Variants in LPP observed in about 807,000 individuals in gnomAD.
LPP encodes the protein lipoma-preferred partner.
LPP carries 38 observed loss-of-function variants against 60.4 expected under a neutral mutation model. The ratio of observed to expected loss-of-function variants is 0.63; its 90% CI spans 0.49 to 0.83. The LOEUF is 0.83. LPP is among the 40% of genes least tolerant of loss of function. The probability of loss-of-function intolerance (pLI) is 0.00; values close to 1 mark genes in which losing one functional copy is unlikely to be tolerated. For synonymous variants in LPP, 328 were observed against 290.8 expected (o/e 1.13, Z -1.30); for missense variants, 902 against 783.6 (o/e 1.15, Z -1.80).
At chr3:188,486,824 GTATT>G (rs1247093114) in intron 5 of LPP, among the ~76,000 whole-genome samples, 2 of 152,094 alleles carry the variant, frequency 1.3e-5, no homozygotes, top group Non-Finnish European at 2.9e-5. Flanking sequence ...TATAAAGTTT[GTATT>G]TATTTTATGT....
At chr3:188,157,019 T>C (rs143225056) in intron 1 of LPP, among the ~76,000 whole-genome samples, 1 of 152,218 alleles carries the variant, frequency 6.6e-6, no homozygotes, top group African/African-American at 2.4e-5. Context: ...CACACTTTTT[T>C]CACATTTTAA....
Position 188,751,181 on chromosome 3 carries a change from CA to C in LPP, c.1241-8931del, listed in dbSNP as rs556906849. On this transcript the variant is annotated intron_variant, in intron 8 of 11. Transcript: ENST00000617246. ...AAACCCCTTTGGGTTCCCTTATTATCAGGTTTGGTCTCAAATAACCAGAATA... is the reference window on the plus strand; with the variant it reads ...AAACCCCTTTGGGTTCCCTTATTATCGGTTTGGTCTCAAATAACCAGAATA... 2.1e-3 allele frequency among the ~76,000 whole-genome samples: 318 copies of C among 152,236 alleles called. 1 individual carries two copies. The highest frequency in any genetic ancestry group is 7.1e-3 in the African/African-American group (294 of 41,532).
At chr3:188,334,422 C>CTTTTTTTTTTTTTTTTTT in intron 2 of LPP, among the ~76,000 whole-genome samples, 1 of 98,676 alleles carries the variant, frequency 1.0e-5, no homozygotes, top group Non-Finnish European at 1.9e-5. Context: ...ATATTTCTTT[C>CTTTTTTTTTTTTTTTTTT]TTTTTTTTTT....
intron 9 of LPP, among the ~76,000 whole-genome samples, chr3:188,817,767 A>C (rs1399927604): frequency 6.6e-6 from 1 of 152,206 alleles, no homozygotes; most frequent in African/African-American, 2.4e-5. Flanking sequence ...TTGTCTAAAA[A>C]CTAAAATTTC....
chr3:188,319,099 TTA>T (rs971450571), intron 2 of LPP, among the ~76,000 whole-genome samples: 33 of 152,120 alleles, frequency 2.2e-4, no homozygotes, highest in Non-Finnish European at 4.0e-4. Context: ...TCAGGTTAGT[TTA>T]TATAGTTTCA....
chr3:188,392,652 T>C (rs1172679060), intron 3 of LPP, among the ~76,000 whole-genome samples: 1 of 152,164 alleles, frequency 6.6e-6, no homozygotes, highest in Admixed American at 6.5e-5. Flanking sequence ...AATTTCTAAA[T>C]TGTCTTGACA....
At chr3:188,243,210 C>T (rs1725612111) in intron 2 of LPP, among the ~76,000 whole-genome samples, 1 of 152,124 alleles carries the variant, frequency 6.6e-6, no homozygotes, top group Admixed American at 6.5e-5. Flanking sequence ...ACTCTAGAAA[C>T]TTGATTTTTT....
chr3:188,636,431 A>C (rs964310494), intron 7 of LPP, among the ~76,000 whole-genome samples: 1 of 152,156 alleles, frequency 6.6e-6, no homozygotes, highest in African/African-American at 2.4e-5. Context: ...GCTGATTCCT[A>C]GCACAGCAGT....
In LPP at chr3:188,709,367, T is replaced by G. The variant is rs373816966; in HGVS notation, c.1240+974T>G. ...TTATTTTTATTTTATTTTATTTTAT[T>G]TATTTTTGAGACAGAGCCTTGCTCT... On this transcript the variant is annotated intron_variant, in intron 8 of 11. Transcript: ENST00000617246. The G allele has an allele frequency of 3.9e-5, 6 of 152,114 alleles. No homozygotes were observed. The East Asian group carries it at 1.2e-3, about 29-fold the overall frequency. 9.4% of individuals were successfully genotyped at this position (152,114 alleles called of 1,614,324 possible).
At chr3:188,850,621 T>C (rs1437260550) in intron 9 of LPP, among the ~76,000 whole-genome samples, 1 of 152,128 alleles carries the variant, frequency 6.6e-6, no homozygotes, top group Non-Finnish European at 1.5e-5. Flanking sequence ...GCTGTTTATA[T>C]TTTTTAAAAA....
At position 188,881,139 on chromosome 3, in the gene LPP, CAAA is replaced by C. The variant is rs11328247; in HGVS notation, c.*6677_*6679del. 1.6e-3 allele frequency: 116 copies of C among 72,566 alleles called. No individual in the cohort carries two copies. Among genetic ancestry groups the C allele is most frequent in the East Asian group, 0.016 (52 of 3,352 alleles). The allele number at this position is 72,566 out of a possible 1,614,324, so 4.5% of individuals were successfully genotyped here. ...TGGGCGAAAGAGCGAGACTCCGTCT[CAAA>C]AAAAAAAAAAAAAAAATAGGATCAT... On this transcript the variant is annotated 3_prime_UTR_variant, in exon 12 of 12. Transcript: ENST00000617246.
chr3:188,555,007 A>T (rs574428028), intron 6 of LPP, among the ~76,000 whole-genome samples: 5 of 152,132 alleles, frequency 3.3e-5, no homozygotes, highest in South Asian at 2.1e-4. Flanking sequence ...GTGGAGCCAT[A>T]GTTGCTATTC....
chr3:188,503,832 G>A (rs1812663955), intron 5 of LPP, among the ~76,000 whole-genome samples: 1 of 152,122 alleles, frequency 6.6e-6, no homozygotes, highest in African/African-American at 2.4e-5. Context: ...CCTTGTATGT[G>A]ATGAGTCACC....
At chr3:188,203,548 TA>T (rs1560107608) in intron 1 of LPP, among the ~76,000 whole-genome samples, 11 of 100,326 alleles carry the variant, frequency 1.1e-4, no homozygotes, top group African/African-American at 2.4e-4. Context: ...AATATATATA[TA>T]TTTTTAAATA....
At chr3:188,455,638 T>A (rs941262803) in intron 4 of LPP, among the ~76,000 whole-genome samples, 1 of 152,216 alleles carries the variant, frequency 6.6e-6, no homozygotes, top group African/African-American at 2.4e-5. Context: ...TCTATCATAA[T>A]ATACTGATTA....
chr3:188,266,588 CTTA>C (rs1188681419), intron 2 of LPP, among the ~76,000 whole-genome samples: 4 of 151,956 alleles, frequency 2.6e-5, no homozygotes, highest in African/African-American at 9.7e-5. Flanking sequence ...AAATCAAGTT[CTTA>C]TTATGTACAT....
chr3:188,368,485 T>C (rs1483856088), intron 3 of LPP, among the ~76,000 whole-genome samples: 1 of 151,798 alleles, frequency 6.6e-6, no homozygotes, highest in Non-Finnish European at 1.5e-5. Context: ...GATGAAGAAA[T>C]AGAGGGCCAG....
At chr3:188,546,776 C>G (rs1395937739) in intron 6 of LPP, among the ~76,000 whole-genome samples, 2 of 152,124 alleles carry the variant, frequency 1.3e-5, no homozygotes, top group Admixed American at 1.3e-4. Context: ...GGATGTTTGT[C>G]AGAGTCCAGC....
At chr3:188,268,930 T>C (rs1317094158) in intron 2 of LPP, among the ~76,000 whole-genome samples, 1 of 152,170 alleles carries the variant, frequency 6.6e-6, no homozygotes, top group East Asian at 1.9e-4. Flanking sequence ...TCCAGTTTGT[T>C]GATGAATGGC....
Sources: gnomAD v4.1 joint callset for allele counts (sites outside exome capture counted in the v4.1 genomes callset) on GRCh38, gnomAD v4.1.1 for gene constraint, MANE v1.5 for transcripts, NCBI Gene and HGNC (gene_info 2026-07-23, HGNC 2026-07-21) for gene names.